Variants in HLCS observed in about 807,000 individuals in gnomAD.
The protein encoded by HLCS is holocarboxylase synthetase.
In HLCS, 53 loss-of-function variants were observed where a neutral mutation model predicts 75.0. The observed-to-expected ratio is 0.71, with a 90% CI of 0.57 to 0.89. HLCS has a LOEUF of 0.89. Among genes scored for constraint, HLCS ranks in the 40% least tolerant of loss-of-function variants. HLCS has a pLI of 0.00. For synonymous variants in HLCS, 431 were observed against 428.6 expected, an observed-to-expected ratio of 1.01 and a Z score of -0.07; for missense variants, 966 against 1,074.0, an observed-to-expected ratio of 0.90 and a Z score of 1.41.
intron 6 of HLCS, among the ~76,000 whole-genome samples, chr21:36,790,297 A>AAG (rs2060821836): frequency 2.6e-5 from 4 of 152,096 alleles, no homozygotes; most frequent in African/African-American, 9.7e-5. Flanking sequence ...CCAGCTACTC[A>AAG]GGAGGCTGAG....
intron 6 of HLCS, among the ~76,000 whole-genome samples, chr21:36,809,576 C>G (rs1012176291): frequency 1.3e-5 from 2 of 152,086 alleles, no homozygotes; most frequent in African/African-American, 4.8e-5. Flanking sequence ...CCCCTCTCTG[C>G]CTTCAGCTGT....
At chr21:36,792,789 C>T (rs528914541) in intron 6 of HLCS, among the ~76,000 whole-genome samples, 17 of 152,248 alleles carry the variant, frequency 1.1e-4, no homozygotes, top group African/African-American at 3.9e-4. Context: ...CGTGGTGCCT[C>T]CTGAGCCAGC....
intron 5 of HLCS, among the ~76,000 whole-genome samples, chr21:36,905,202 C>T (rs914358789): frequency 6.6e-6 from 1 of 152,122 alleles, no homozygotes; most frequent in African/African-American, 2.4e-5. Flanking sequence ...CAACGGTATC[C>T]ATGGAACCTA....
Position 36,947,337 on chromosome 21 carries a change from G to A in HLCS, c.331-8343C>T, listed in dbSNP as rs954808003. 4 of 985,202 alleles carry A rather than the reference G, an allele frequency of 4.1e-6. No individual in the cohort carries two copies. In the Admixed American group the frequency reaches 1.8e-4, roughly 45 times the overall value. The allele number at this position is 985,202 out of a possible 1,614,324, so 61.0% of individuals were successfully genotyped here. On this transcript the variant is annotated intron_variant, in intron 2 of 10. Coordinates refer to ENST00000674895, the MANE Select transcript of HLCS (RefSeq NM_001352514.2). ...CTCTGCCAACTGTTTCCTCACCTAA[G>A]TGCATTTCCGTTTTCTAGGAGCGTG...
chr21:36,930,522 A>T lies in HLCS; in HGVS notation c.1438-89T>A, dbSNP rs561053531. Reference sequence around the variant, plus strand: ...CTTTTTTCTTTTTCTTTTTTTTTTTAAATTTAGAGACAGGATCTCATTATG... The same window carrying T: ...CTTTTTTCTTTTTCTTTTTTTTTTTTAATTTAGAGACAGGATCTCATTATG... On this transcript the variant is annotated intron_variant, in intron 4 of 10. Coordinates refer to ENST00000674895, the MANE Select transcript of HLCS (RefSeq NM_001352514.2). The T allele has an allele frequency of 6.6e-3, 7,000 of 1,058,980 alleles. 13 individuals are homozygous for T. The highest frequency in any genetic ancestry group is 7.8e-3 in the Non-Finnish European group (5,663 of 725,058). The allele number at this position is 1,058,980 out of a possible 1,614,324, so 65.6% of individuals were successfully genotyped here. A position where few individuals can be genotyped will look rare whatever the true frequency, so the allele number is the denominator to read the frequency against.
chr21:36,784,008 T>A (rs948199695), intron 6 of HLCS, among the ~76,000 whole-genome samples: 5 of 152,132 alleles, frequency 3.3e-5, no homozygotes, highest in Non-Finnish European at 7.3e-5. Flanking sequence ...TCTTCAGCTA[T>A]AGATCTCAAG....
intron 6 of HLCS, among the ~76,000 whole-genome samples, chr21:36,831,410 T>C (rs1323552677): frequency 6.6e-6 from 1 of 152,206 alleles, no homozygotes; most frequent in Non-Finnish European, 1.5e-5. Context: ...GCCGGCATGG[T>C]GGCTCACACC....
chr21:36,825,082 G>A (rs1397229010), intron 6 of HLCS, among the ~76,000 whole-genome samples: 2 of 152,204 alleles, frequency 1.3e-5, no homozygotes, highest in African/African-American at 4.8e-5. Context: ...ATAGCAGGGA[G>A]ACCACTAAGG....
intron 5 of HLCS, among the ~76,000 whole-genome samples, chr21:36,920,767 G>A (rs2066130349): frequency 1.3e-5 from 2 of 152,056 alleles, no homozygotes. Context: ...AAAATACACA[G>A]AGCAAAACCT....
intron 2 of HLCS, 116 bp from the exon 3 acceptor site, chr21:36,939,110 T>A (rs991432556): frequency 1.2e-5 from 11 of 902,138 alleles, no homozygotes; most frequent in Non-Finnish European, 1.3e-5. Flanking sequence ...ATTACAGTCA[T>A]TAATAACAAA....
chr21:36,905,390 G>T (rs1008131340), intron 5 of HLCS, among the ~76,000 whole-genome samples: 2 of 152,162 alleles, frequency 1.3e-5, no homozygotes, highest in Non-Finnish European at 2.9e-5. Flanking sequence ...CACAGTCTTT[G>T]AAATCATTAC....
chr21:36,868,650 AAT>A (rs1254004528), intron 6 of HLCS, among the ~76,000 whole-genome samples: 1 of 152,064 alleles, frequency 6.6e-6, no homozygotes, highest in Non-Finnish European at 1.5e-5. Context: ...CCAAAATAAA[AAT>A]AGTCATAAAA....
intron 2 of HLCS, 80 bp downstream of exon 2, chr21:36,961,956 G>GAAA (rs58618927): frequency 4.7e-4 from 317 of 674,534 alleles, no homozygotes; most frequent in South Asian, 6.2e-4. Context: ...TCTGTCTCAG[G>GAAA]AAAAAAAAAA....
At chr21:36,934,517 A>G (rs1457007904) in intron 4 of HLCS, among the ~76,000 whole-genome samples, 1 of 152,234 alleles carries the variant, frequency 6.6e-6, no homozygotes, top group Non-Finnish European at 1.5e-5. Flanking sequence ...TTCCTGGTCC[A>G]TTTGACAGTC....
Position 36,930,291 on chromosome 21 carries a change from A to T in HLCS, c.1580T>A (p.Val527Asp), listed in dbSNP as rs750529024. The change falls in exon 5 of 11, where the codon GTT becomes GAT. Residue 527 changes from valine to aspartate, a missense_variant. Coordinates refer to ENST00000674895, the MANE Select transcript of HLCS (RefSeq NM_001352514.2). ...TLGLSCDMKQ[V>D]PALTPLYLLS... ...CAAGTAAAGAGGAGTTAAGGCAGGA[A>T]CTTGTTTCATGTCACAGCTGAGGCC... The T allele has an allele frequency of 6.2e-7, 1 of 1,614,174 alleles. No individual in the cohort carries two copies. The highest frequency in any genetic ancestry group is 8.5e-7 in the Non-Finnish European group (1 of 1,180,020).
chr21:36,963,940 C>T (rs773269976), intron 1 of HLCS, among the ~76,000 whole-genome samples: 17 of 152,010 alleles, frequency 1.1e-4, no homozygotes, highest in Non-Finnish European at 5.9e-5. Flanking sequence ...TATGAGAACA[C>T]GCCAGGCTTG....
chr21:36,961,210 C>T (rs1419058274), intron 2 of HLCS, among the ~76,000 whole-genome samples: 4 of 152,124 alleles, frequency 2.6e-5, no homozygotes, highest in African/African-American at 9.7e-5. Context: ...CAAGGAAAGA[C>T]GTTTAGGACG....
intron 6 of HLCS, among the ~76,000 whole-genome samples, chr21:36,814,513 T>C (rs1569047966): frequency 2.0e-5 from 3 of 152,228 alleles, no homozygotes; most frequent in Non-Finnish European, 4.4e-5. Context: ...ATCCCGGATT[T>C]TATCTGGCAA....
Position 36,930,866 on chromosome 21 carries a change from G to A in HLCS, c.1438-433C>T, listed in dbSNP as rs537220834. Among the ~76,000 whole-genome samples, 5 of 152,300 alleles carry A rather than the reference G, an allele frequency of 3.3e-5. No individual in the cohort carries two copies. In the South Asian group the frequency reaches 1.0e-3, roughly 32 times the overall value. On this transcript the variant is annotated intron_variant, in intron 4 of 10. Coordinates refer to ENST00000674895, the MANE Select transcript of HLCS (RefSeq NM_001352514.2). The stretch of plus-strand genomic sequence containing the variant: ...TTCCAAAGAGCCTACTCAAATTTTG[G>A]TTGTCAGGCTGAGAGGCCACGGTGG...
Sources: allele counts gnomAD v4.1 joint callset (sites outside exome capture counted in the v4.1 genomes callset), GRCh38; gene constraint gnomAD v4.1.1; transcripts MANE v1.5; gene names NCBI Gene and HGNC (gene_info 2026-07-23, HGNC 2026-07-21).